Variants in TSHZ3 observed in about 807,000 individuals in gnomAD.
The protein encoded by TSHZ3 is teashirt homolog 3.
Under a neutral mutation model 64.5 loss-of-function variants are expected in TSHZ3, and 10 were observed. The observed-to-expected ratio is 0.16, with a 90% confidence interval of 0.10 to 0.26. The LOEUF (loss-of-function observed/expected upper bound fraction) is 0.26. Among genes scored for constraint, TSHZ3 ranks in the 10% least tolerant of loss-of-function variants. The pLI is 1.00. For synonymous variants in TSHZ3, 608 were observed against 593.1 expected (o/e 1.03, Z -0.36); for missense variants, 1,242 against 1,421.7 (o/e 0.87, Z 2.03).
intron 1 of TSHZ3, among the ~76,000 whole-genome samples, chr19:31,293,067 A>C (rs1976601793): frequency 6.6e-6 from 1 of 151,468 alleles, no homozygotes; most frequent in Admixed American, 6.6e-5. Context: ...AAATGTATCC[A>C]TCCATCCAAA....
At chr19:31,216,444 C>T (rs1975330950) in intron 4 of TSHZ3, among the ~76,000 whole-genome samples, 1 of 150,466 alleles carries the variant, frequency 6.6e-6, no homozygotes, top group Non-Finnish European at 1.5e-5. Context: ...AAGGCTTTCC[C>T]AGGAGGCAGC....
At chr19:31,343,531 C>T (rs770450484) in intron 1 of TSHZ3, among the ~76,000 whole-genome samples, 5 of 152,108 alleles carry the variant, frequency 3.3e-5, no homozygotes, top group Non-Finnish European at 7.4e-5. Context: ...TGGTCAAGGA[C>T]ACTCTGTAAT....
At chr19:31,330,430 G>T (rs911805770) in intron 1 of TSHZ3, among the ~76,000 whole-genome samples, 2 of 152,206 alleles carry the variant, frequency 1.3e-5, no homozygotes, top group Non-Finnish European at 2.9e-5. Flanking sequence ...CTGGCCTGAC[G>T]GCTCCCAATG....
chr19:31,162,972 A>C (rs1974389833), intron 5 of TSHZ3, among the ~76,000 whole-genome samples: 1 of 152,170 alleles, frequency 6.6e-6, no homozygotes, highest in African/African-American at 2.4e-5. Flanking sequence ...GCAGCCAATA[A>C]GCTAGGTCTC....
intron 5 of TSHZ3, among the ~76,000 whole-genome samples, chr19:31,158,533 T>G (rs1974333926): frequency 6.6e-6 from 1 of 152,160 alleles, no homozygotes; most frequent in Non-Finnish European, 1.5e-5. Flanking sequence ...CCAGCCTTTT[T>G]GGTACTAGGG....
intron 1 of TSHZ3, among the ~76,000 whole-genome samples, chr19:31,327,715 C>T (rs1916972814): frequency 6.6e-6 from 1 of 152,012 alleles, no homozygotes; most frequent in Non-Finnish European, 1.5e-5. Flanking sequence ...TACTTAAAGG[C>T]AATAATATGA....
At chr19:31,259,542 C>G (rs1468537158) in intron 1 of TSHZ3, among the ~76,000 whole-genome samples, 1 of 151,898 alleles carries the variant, frequency 6.6e-6, no homozygotes, top group Non-Finnish European at 1.5e-5. Flanking sequence ...GGGCTGGGGT[C>G]TGTGGTCCTG....
chr19:31,267,280 G>GC (rs1381969972), intron 1 of TSHZ3, among the ~76,000 whole-genome samples: 1 of 152,116 alleles, frequency 6.6e-6, no homozygotes, highest in African/African-American at 2.4e-5. Context: ...CCTTGCCTGA[G>GC]AATTGTGCAG....
chr19:31,333,056 T>C (rs575214918), intron 1 of TSHZ3, among the ~76,000 whole-genome samples: 4 of 151,896 alleles, frequency 2.6e-5, no homozygotes, highest in African/African-American at 7.2e-5. Flanking sequence ...CAGTGAGCCA[T>C]GATCATGCCA....
At chr19:31,263,970 A>G (rs568060175) in intron 1 of TSHZ3, among the ~76,000 whole-genome samples, 11 of 152,330 alleles carry the variant, frequency 7.2e-5, no homozygotes, top group African/African-American at 2.6e-4. Flanking sequence ...TGCCACTGAC[A>G]TGAAGTGTGT....
chr19:31,164,004 A>T lies in TSHZ3; in HGVS notation n.810-7587T>A, dbSNP rs985904119. Among the ~76,000 whole-genome samples, 6 of 152,310 alleles carry T rather than the reference A, an allele frequency of 3.9e-5. No homozygotes were observed. In the South Asian group the frequency reaches 1.2e-3, roughly 32 times the overall value. ...AGGAAGCTGAGGTGCAGAGAAGCTAAGTAATGTCCCCAAGTTGGTGCTTAC... is the reference window on the plus strand; with the variant it reads ...AGGAAGCTGAGGTGCAGAGAAGCTATGTAATGTCCCCAAGTTGGTGCTTAC... On this transcript the variant is annotated intron_variant and non_coding_transcript_variant, in intron 5 of 6. Coordinates refer to the TSHZ3 transcript ENST00000651361.
intron 1 of TSHZ3, among the ~76,000 whole-genome samples, chr19:31,325,855 C>T (rs1481159391): frequency 1.3e-5 from 2 of 152,070 alleles, no homozygotes; most frequent in African/African-American, 4.8e-5. Flanking sequence ...CAGCTCTGTG[C>T]AACAAAATAT....
downstream of TSHZ3, among the ~76,000 whole-genome samples, chr19:31,271,046 T>C (rs1329267693): frequency 6.6e-6 from 1 of 152,188 alleles, no homozygotes; most frequent in Admixed American, 6.5e-5. Flanking sequence ...CGTGGACTTA[T>C]CTAAGTTACC....
At chr19:31,158,912 T>A (rs1202242286) in intron 5 of TSHZ3, among the ~76,000 whole-genome samples, 1 of 152,166 alleles carries the variant, frequency 6.6e-6, no homozygotes, top group African/African-American at 2.4e-5. Context: ...ATGCAAGCAA[T>A]GGGGAGTGGC....
chr19:31,239,213 T>C (rs1224352283), intron 3 of TSHZ3, among the ~76,000 whole-genome samples: 2 of 152,124 alleles, frequency 1.3e-5, no homozygotes, highest in Admixed American at 1.3e-4. Flanking sequence ...CTACAATTGC[T>C]ATCCTATTTT....
intron 1 of TSHZ3, among the ~76,000 whole-genome samples, chr19:31,290,334 A>G (rs1976542047): frequency 6.6e-6 from 1 of 152,082 alleles, no homozygotes; most frequent in Admixed American, 6.5e-5. Flanking sequence ...CTTGACCGGG[A>G]GGGGCTCAAA....
intron 1 of TSHZ3, among the ~76,000 whole-genome samples, chr19:31,297,296 G>A (rs1449765902): frequency 1.3e-5 from 2 of 152,280 alleles, no homozygotes; most frequent in South Asian, 2.1e-4. Context: ...CGGGGTAGGC[G>A]TCTGTGTGGC....
At chr19:31,301,473 G>A (rs1304803021) in intron 1 of TSHZ3, among the ~76,000 whole-genome samples, 1 of 152,160 alleles carries the variant, frequency 6.6e-6, no homozygotes, top group Non-Finnish European at 1.5e-5. Context: ...CCCTGGTCAC[G>A]CCGTCTTGTC....
At chr19:31,246,140 A>T (rs993231593) in intron 1 of TSHZ3, among the ~76,000 whole-genome samples, 6 of 152,202 alleles carry the variant, frequency 3.9e-5, no homozygotes, top group African/African-American at 1.4e-4. Flanking sequence ...TTTAAATTTA[A>T]AAAAGTATGT....
Sources: gnomAD v4.1 joint callset for allele counts (sites outside exome capture counted in the v4.1 genomes callset) on GRCh38, gnomAD v4.1.1 for gene constraint, MANE v1.5 for transcripts, NCBI Gene and HGNC (gene_info 2026-07-23, HGNC 2026-07-21) for gene names.